The following AKAP12 variants were observed in gnomAD, a reference collection of about 807,000 sequenced individuals.
AKAP12 encodes A-kinase anchor protein 12.
Under a neutral mutation model 79.9 loss-of-function variants are expected in AKAP12, and 32 were observed. The observed-to-expected ratio is 0.40, with a 90% CI of 0.30 to 0.54. The LOEUF is 0.54. Ranked by LOEUF, AKAP12 falls within the 20% of genes least tolerant of loss-of-function variation. AKAP12 has a pLI of 0.48. For synonymous variants in AKAP12, 808 were observed against 857.0 expected, an observed-to-expected ratio of 0.94 and a Z score of 1.00; for missense variants, 2,074 against 2,177.0, an observed-to-expected ratio of 0.95 and a Z score of 0.94.
intron 2 of AKAP12, among the ~76,000 whole-genome samples, chr6:151,246,109 G>A (rs981549163): frequency 1.3e-5 from 2 of 152,162 alleles, no homozygotes; most frequent in African/African-American, 2.4e-5. Flanking sequence ...TGAATTGCAA[G>A]CTTTATATGC....
At chr6:151,340,520 G>A (rs1297618426) in intron 3 of AKAP12, among the ~76,000 whole-genome samples, 4 of 152,196 alleles carry the variant, frequency 2.6e-5, no homozygotes, top group Non-Finnish European at 4.4e-5. Flanking sequence ...CGTTCTCACA[G>A]ATGACTATTT....
chr6:151,282,312 G>A (rs1562720195), intron 2 of AKAP12, among the ~76,000 whole-genome samples: 1 of 152,042 alleles, frequency 6.6e-6, no homozygotes. Flanking sequence ...GTTTTGCCAT[G>A]TTGGCCAGGC....
chr6:151,340,184 C>T lies in AKAP12; in HGVS notation c.320-8527C>T, dbSNP rs186062381. 2.4e-3 allele frequency among the ~76,000 whole-genome samples: 367 copies of T among 151,314 alleles called. 1 individual carries two copies. The highest frequency in any genetic ancestry group is 0.014 in the Middle Eastern group (4 of 288). On this transcript the variant is annotated intron_variant, in intron 3 of 4. Transcript: ENST00000402676. ...TCATGATCTCATGATCCACCCACCT[C>T]GGCCTCCCAAAGTGCTGGGTTACAG...
At chr6:151,341,595 C>G (rs1053744436) in intron 3 of AKAP12, 1 of 662,156 alleles carries the variant, frequency 1.5e-6, no homozygotes, top group African/African-American at 2.0e-5. Flanking sequence ...GCTATGGCAG[C>G]CGGCAGGGGC....
chr6:151,341,674 A>G, intron 3 of AKAP12: 4 of 1,178,306 alleles, frequency 3.4e-6, no homozygotes, highest in Non-Finnish European at 4.3e-6. Context: ...GCCCTGGTGG[A>G]GTAAACTCTG....
chr6:151,297,672 T>C (rs138277575), intron 2 of AKAP12, among the ~76,000 whole-genome samples: 4 of 152,208 alleles, frequency 2.6e-5, no homozygotes, highest in Middle Eastern at 3.4e-3. Context: ...GCCGTACCCA[T>C]GTCTTGAGGT....
intron 2 of AKAP12, among the ~76,000 whole-genome samples, chr6:151,285,105 G>A (rs1776474253): frequency 6.6e-6 from 1 of 152,186 alleles, no homozygotes; most frequent in Non-Finnish European, 1.5e-5. Flanking sequence ...AGTGGGGAGT[G>A]TATTGAGACC....
chr6:151,249,128 C>T (rs776441093), intron 2 of AKAP12, among the ~76,000 whole-genome samples: 13 of 152,308 alleles, frequency 8.5e-5, no homozygotes, highest in Admixed American at 6.5e-4. Context: ...ATCTCATTGC[C>T]TCCTAAGCCC....
In AKAP12 at chr6:151,284,974, A is replaced by T. The variant is rs550039144; in HGVS notation, c.163-20773A>T. 5.3e-5 allele frequency among the ~76,000 whole-genome samples: 8 copies of T among 152,324 alleles called. No individual in the cohort carries two copies. In the East Asian group the frequency reaches 1.5e-3, roughly 29 times the overall value. ...CAGAGGCTTTGGAGAGTGAACTTGG[A>T]GGTCAACAAAGAGAATGAAATGCAA... On this transcript the variant is annotated intron_variant, in intron 2 of 4. Coordinates refer to ENST00000402676, the MANE Select transcript of AKAP12 (RefSeq NM_005100.4).
chr6:151,345,296 C>T (rs927061579), intron 3 of AKAP12, among the ~76,000 whole-genome samples: 5 of 151,116 alleles, frequency 3.3e-5, no homozygotes, highest in African/African-American at 9.7e-5. Flanking sequence ...AGGATGGTCT[C>T]GATCTCCTGA....
chr6:151,293,698 G>A (rs960537237), intron 2 of AKAP12, among the ~76,000 whole-genome samples: 20 of 152,226 alleles, frequency 1.3e-4, no homozygotes, highest in African/African-American at 4.1e-4. Context: ...TGTTAAACAC[G>A]GAACTCCAGT....
chr6:151,332,166 AGCT>A (rs1363645727), intron 3 of AKAP12, among the ~76,000 whole-genome samples: 1 of 150,694 alleles, frequency 6.6e-6, no homozygotes, highest in Non-Finnish European at 1.5e-5. Flanking sequence ...CCTCCTGAGT[AGCT>A]GGGATTACAG....
Position 151,240,625 on chromosome 6 carries a change from G to A in AKAP12, c.63G>A (p.Thr21=). The change falls in exon 2 of 5, where the codon ACG becomes ACA. Residue 21 remains threonine (T), a synonymous_variant. Transcript: ENST00000402676. ...AGCAGCCGCCCGAGGGGAGCTCCAC[G>A]CCGGCTGAGCCCGAGCCCAGCGGCG... The part of the protein sequence containing the change: ...SPEQPPEGSS[T]PAEPEPSGGG... 7.3e-7 allele frequency: 1 copy of A among 1,377,722 alleles called. No homozygotes were observed. Among genetic ancestry groups the A allele is most frequent in the South Asian group, 1.6e-5 (1 of 61,438 alleles). The allele number at this position is 1,377,722 out of a possible 1,614,324, so 85.3% of individuals were successfully genotyped here. A position where few individuals can be genotyped will look rare whatever the true frequency, so the allele number is the denominator to read the frequency against.
chr6:151,326,800 CT>C (rs936866818), intron 3 of AKAP12, among the ~76,000 whole-genome samples: 17 of 123,522 alleles, frequency 1.4e-4, no homozygotes, highest in South Asian at 5.9e-4. Context: ...GCTGCCAAAT[CT>C]TTTTTTTTGT....
At chr6:151,260,128 G>A (rs185109337) in intron 2 of AKAP12, among the ~76,000 whole-genome samples, 15 of 152,186 alleles carry the variant, frequency 9.9e-5, no homozygotes, top group Non-Finnish European at 2.2e-4. Context: ...CTGTCAGTTC[G>A]CTAACGTTTA....
chr6:151,321,079 T>C (rs888299435), intron 3 of AKAP12, among the ~76,000 whole-genome samples: 1 of 151,976 alleles, frequency 6.6e-6, no homozygotes, highest in Admixed American at 6.6e-5. Context: ...CTTCACCTCC[T>C]GGGTTCAAGT....
At position 151,349,373 on chromosome 6, in the gene AKAP12, A is replaced by G; in HGVS notation, c.982A>G (p.Lys328Glu). Residue 328 changes from lysine to glutamate, a missense_variant, in exon 4 of 5, where the codon AAG becomes GAG. By Grantham distance (56) the Lys-to-Glu change is moderately conservative. Around this residue, in one of 3 missense-constraint regions of AKAP12, gnomAD observed 1,428 missense variants for 1,451.0 expected, o/e 0.98. Transcript: ENST00000402676. ...EDEVEASEKK[K>E]EQEPEKVDTE... Reference sequence around the variant, plus strand: ...TGAAGTGGAAGCTTCAGAGAAGAAAAAGGAACAAGAGCCAGAAAAAGTAGA... The same window carrying G: ...TGAAGTGGAAGCTTCAGAGAAGAAAGAGGAACAAGAGCCAGAAAAAGTAGA... 6.2e-7 allele frequency: 1 copy of G among 1,614,020 alleles called. No individual in the cohort carries two copies. The highest frequency in any genetic ancestry group is 8.5e-7 in the Non-Finnish European group (1 of 1,179,964).
chr6:151,358,389 G>A lies in AKAP12; in HGVS notation c.*2675G>A, dbSNP rs1187526292. ...GTTCCAATATTTTCCTTTGATGTTT[G>A]GAACTACAGATAGTCAAGGGCTGGA... On this transcript the variant is annotated 3_prime_UTR_variant, in exon 5 of 5. Coordinates refer to ENST00000402676, the MANE Select transcript of AKAP12 (RefSeq NM_005100.4). 6.6e-6 allele frequency: 1 copy of A among 152,272 alleles called. No individual in the cohort carries two copies. The highest frequency in any genetic ancestry group is 2.1e-4 in the South Asian group (1 of 4,830). The allele number at this position is 152,272 out of a possible 1,614,324, so 9.4% of individuals were successfully genotyped here.
rs113208098 is a variant in AKAP12 at position 151,297,696 on chromosome 6, A to G, written c.163-8051A>G. Among the ~76,000 whole-genome samples, 367 of 152,038 alleles carry G rather than the reference A, an allele frequency of 2.4e-3. 4 individuals carry two copies. The highest frequency in any genetic ancestry group is 8.0e-3 in the African/African-American group (331 of 41,478). ...ATGTCTTGAGGTGCAGCCCCGTGTG[A>G]ATGTGTGTCCTGGGATGTAGTGAGA... On this transcript the variant is annotated intron_variant, in intron 2 of 4. Transcript: ENST00000402676.
Sources: gnomAD v4.1 joint callset for allele counts (sites outside exome capture counted in the v4.1 genomes callset) on GRCh38, gnomAD v4.1.1 for gene constraint, gnomAD v4.1.1 regional missense constraint, MANE v1.5 for transcripts, NCBI Gene and HGNC (gene_info 2026-07-23, HGNC 2026-07-21) for gene names.